The following SNRPC variants were observed in gnomAD, a reference collection of about 807,000 sequenced individuals.
SNRPC encodes the protein small nuclear ribonucleoprotein polypeptide C, also known as U1 small nuclear ribonucleoprotein C.
Under a neutral mutation model 20.0 loss-of-function variants are expected in SNRPC, and 5 were observed. The observed-to-expected ratio is 0.25, with a 90% CI of 0.13 to 0.53. SNRPC has a LOEUF of 0.53. Among genes scored for constraint, SNRPC ranks in the 20% least tolerant of loss-of-function variants. The pLI is 0.96. For missense variants in SNRPC, 112 were observed against 224.1 expected (o/e 0.50, Z 3.19); for synonymous variants, 61 against 58.7 (o/e 1.04, Z -0.18).
chr6:34,768,753 CAAAAAAA>C (rs11284276), intron 4 of SNRPC, among the ~76,000 whole-genome samples: 2 of 97,640 alleles, frequency 2.0e-5, no homozygotes, highest in Non-Finnish European at 4.7e-5. Context: ...GACTTTGTCT[CAAAAAAA>C]AAAAAAAAAA....
chr6:34,763,966 C>T (rs1015354218), intron 3 of SNRPC, among the ~76,000 whole-genome samples: 8 of 150,458 alleles, frequency 5.3e-5, no homozygotes, highest in African/African-American at 7.2e-5. Context: ...CCACCCGCCT[C>T]GGCCTCCCAA....
At chr6:34,765,553 C>T (rs1297650624) in intron 3 of SNRPC, among the ~76,000 whole-genome samples, 5 of 152,076 alleles carry the variant, frequency 3.3e-5, no homozygotes, top group African/African-American at 9.7e-5. Context: ...TCTCCTGCCT[C>T]AGCCTCCCGA....
At position 34,761,537 on chromosome 6, in the gene SNRPC, T is replaced by C. The variant is rs557127482; in HGVS notation, c.52-1058T>C. On this transcript the variant is annotated intron_variant, in intron 2 of 5. Coordinates refer to ENST00000244520, the MANE Select transcript of SNRPC (RefSeq NM_003093.3). Reference sequence around the variant, plus strand: ...AATTTTTTTTTTTTTTTTTTTTTTTTTGTGACGGAGTATCTCTGTGTCGCC... The same window carrying C: ...AATTTTTTTTTTTTTTTTTTTTTTTCTGTGACGGAGTATCTCTGTGTCGCC... Among the ~76,000 whole-genome samples the C allele has an allele frequency of 8.3e-3, 962 of 115,234 alleles. 18 individuals carry two copies. The highest frequency in any genetic ancestry group is 0.037 in the African/African-American group (909 of 24,850). 75.6% of individuals were successfully genotyped at this position (115,234 alleles called of 152,430 possible).
At chr6:34,767,024 A>G (rs1162440507) in intron 3 of SNRPC, among the ~76,000 whole-genome samples, 1 of 152,044 alleles carries the variant, frequency 6.6e-6, no homozygotes, top group South Asian at 2.1e-4. Context: ...CTTCATCTGA[A>G]AAAAAAATTT....
intron 3 of SNRPC, among the ~76,000 whole-genome samples, chr6:34,765,950 A>G (rs1419018197): frequency 6.6e-6 from 1 of 151,950 alleles, no homozygotes; most frequent in Non-Finnish European, 1.5e-5. Context: ...TTTGTTGCCC[A>G]GGCTGGTCTT....
In SNRPC at chr6:34,773,412, C is replaced by T; in HGVS notation, c.356-34C>T. On this transcript the variant is annotated intron_variant, in intron 5 of 5. Transcript: ENST00000244520. The surrounding 1 kb of genome is among the most constrained non-coding windows in gnomAD (Gnocchi z 4.1). ...CTCCCTAAATCGTATTTTCTGACTC[C>T]CTTTTTCTCCCTCTTCTTTGTTTTG... 1 of 1,603,682 alleles carries T rather than the reference C, an allele frequency of 6.2e-7. No individual in the cohort carries two copies.
Position 34,773,617 on chromosome 6 carries a change from GC to G in SNRPC, c.*48del. The G allele has an allele frequency of 6.4e-7, 1 of 1,564,104 alleles. No individual in the cohort carries two copies. The highest frequency in any genetic ancestry group is 8.8e-7 in the Non-Finnish European group (1 of 1,140,460). ...GTATCGGTTTTATATTACCTGTTCTGCTTCACCAGGAGATCATGCTGCTGTG... is the reference window on the plus strand; with the variant it reads ...GTATCGGTTTTATATTACCTGTTCTGTTCACCAGGAGATCATGCTGCTGTG... On this transcript the variant is annotated 3_prime_UTR_variant, in exon 6 of 6. Coordinates refer to ENST00000244520, the MANE Select transcript of SNRPC (RefSeq NM_003093.3). The surrounding 1 kb of genome is among the most constrained non-coding windows in gnomAD (Gnocchi z 4.1).
At chr6:34,758,875 G>T (rs1040967383) in intron 2 of SNRPC, among the ~76,000 whole-genome samples, 1 of 151,726 alleles carries the variant, frequency 6.6e-6, no homozygotes, top group Non-Finnish European at 1.5e-5. Context: ...TTAGCTGGGC[G>T]CGGTGGCGGG....
chr6:34,771,711 C>G (rs1369597971), intron 5 of SNRPC, among the ~76,000 whole-genome samples: 1 of 152,156 alleles, frequency 6.6e-6, no homozygotes, highest in Non-Finnish European at 1.5e-5. Context: ...GAAAAACAAG[C>G]TGCAAAGTTA....
chr6:34,757,989 C>T lies in SNRPC; in HGVS notation c.51+35C>T, dbSNP rs774847493. On this transcript the variant is annotated intron_variant, in intron 2 of 5. Coordinates refer to ENST00000244520, the MANE Select transcript of SNRPC (RefSeq NM_003093.3). Reference sequence around the variant, plus strand: ...ATATCTATTCATAGTTTCAAAAAGCCTTATGTGTAATAATTAAATGAGTTT... The same window carrying T: ...ATATCTATTCATAGTTTCAAAAAGCTTTATGTGTAATAATTAAATGAGTTT... 4 of 1,581,778 alleles carry T rather than the reference C, an allele frequency of 2.5e-6. No homozygotes were observed. The African/African-American group carries it at 4.1e-5, about 16-fold the overall frequency.
chr6:34,759,215 C>G (rs1764501362), intron 2 of SNRPC, among the ~76,000 whole-genome samples: 1 of 152,162 alleles, frequency 6.6e-6, no homozygotes, highest in Admixed American at 6.6e-5. Flanking sequence ...CTTGAAGTGA[C>G]AGGCTCACTC....
rs201097183 is a variant in SNRPC, at chr6:34,767,978, A to T, written c.231A>T (p.Ile77=). 9 of 1,611,818 alleles carry T rather than the reference A, an allele frequency of 5.6e-6. No individual in the cohort carries two copies. The highest frequency in any genetic ancestry group is 6.8e-6 in the Non-Finnish European group (8 of 1,179,450). ...FSAPPPAGAM[I]PPPPSLPGPP... Reference sequence around the variant, plus strand: ...CTCCTCCTCCTGCAGGGGCGATGATACCACCTCCCCCCAGCCTTCGTAAGT... The same window carrying T: ...CTCCTCCTCCTGCAGGGGCGATGATTCCACCTCCCCCCAGCCTTCGTAAGT... The change falls in exon 4 of 6, where the codon ATA becomes ATT. Residue 77 remains isoleucine (I), a synonymous_variant. Coordinates refer to ENST00000244520, the MANE Select transcript of SNRPC (RefSeq NM_003093.3).
At chr6:34,764,666 A>G (rs906415025) in intron 3 of SNRPC, among the ~76,000 whole-genome samples, 26 of 151,942 alleles carry the variant, frequency 1.7e-4, no homozygotes, top group African/African-American at 5.6e-4. Context: ...CCATCTCAAA[A>G]AAATAATAAT....
At chr6:34,757,804 C>T (rs781577264) in intron 1 of SNRPC, 108 bp from the exon 2 acceptor site, 4 of 1,602,922 alleles carry the variant, frequency 2.5e-6, no homozygotes, top group East Asian at 2.2e-5. Flanking sequence ...GGCGGTCTGG[C>T]TTTTTGTTTT....
intron 2 of SNRPC, among the ~76,000 whole-genome samples, chr6:34,761,524 T>A (rs1183579913): frequency 7.0e-6 from 1 of 143,292 alleles, no homozygotes; most frequent in Admixed American, 7.0e-5. Context: ...TTTTTTTTTT[T>A]TTTTTTTTTT....
At chr6:34,770,555 T>C (rs1228403258) in intron 5 of SNRPC, among the ~76,000 whole-genome samples, 160 bp downstream of exon 5, 1 of 152,264 alleles carries the variant, frequency 6.6e-6, no homozygotes, top group Non-Finnish European at 1.5e-5. Context: ...ATTATCTAAT[T>C]AGCTGTCTAA....
At chr6:34,760,298 A>G (rs1222710461) in intron 2 of SNRPC, among the ~76,000 whole-genome samples, 1 of 151,888 alleles carries the variant, frequency 6.6e-6, no homozygotes, top group Non-Finnish European at 1.5e-5. Context: ...TTTTTAGTAC[A>G]GACGGGGTTT....
At chr6:34,757,574 A>AGGG (rs753341501) in intron 1 of SNRPC, 23 bp downstream of exon 1, 2 of 1,610,986 alleles carry the variant, frequency 1.2e-6, no homozygotes, top group Admixed American at 3.3e-5. Context: ...CCGAAATCTG[A>AGGG]GGGTGATCGT....
chr6:34,757,970 A>G lies in SNRPC; in HGVS notation c.51+16A>G. On this transcript the variant is annotated intron_variant, in intron 2 of 5. Coordinates refer to ENST00000244520, the MANE Select transcript of SNRPC (RefSeq NM_003093.3). ...CCATGACTCTGTAAGTGGCATATCT[A>G]TTCATAGTTTCAAAAAGCCTTATGT... 3.1e-6 allele frequency: 5 copies of G among 1,597,372 alleles called. No individual in the cohort carries two copies. The highest frequency in any genetic ancestry group is 4.3e-6 in the Non-Finnish European group (5 of 1,176,160).
Sources: gnomAD v4.1 joint callset for allele counts (sites outside exome capture counted in the v4.1 genomes callset) on GRCh38, gnomAD v4.1.1 for gene constraint, Gnocchi (gnomAD v3.1) non-coding constraint, MANE v1.5 for transcripts, NCBI Gene and HGNC (gene_info 2026-07-23, HGNC 2026-07-21) for gene names.